Variants in KLHL25 observed in about 807,000 individuals in gnomAD.
KLHL25 encodes kelch like family member 25.
A neutral mutation model predicts 30.0 loss-of-function variants in KLHL25; 41 were observed. The ratio of observed to expected loss-of-function variants is 1.37; its 90% CI spans 1.07 to 1.78. The LOEUF is 1.78. Among genes scored for constraint, KLHL25 ranks in the 40% most tolerant of loss-of-function variants. The probability of loss-of-function intolerance (pLI) is 0.00; values close to 1 mark genes in which losing one functional copy is unlikely to be tolerated. For synonymous variants in KLHL25, 399 were observed against 355.3 expected, an observed-to-expected ratio of 1.12 and a Z score of -1.38; for missense variants, 971 against 824.5, an observed-to-expected ratio of 1.18 and a Z score of -2.18.
intron 1 of KLHL25, among the ~76,000 whole-genome samples, chr15:85,791,280 G>A (rs974870667): frequency 6.6e-6 from 1 of 151,014 alleles, no homozygotes; most frequent in South Asian, 2.1e-4. Flanking sequence ...TGGATCACCT[G>A]AGATCAGGAG....
chr15:85,790,989 C>G (rs931844188), intron 1 of KLHL25, among the ~76,000 whole-genome samples: 8 of 150,854 alleles, frequency 5.3e-5, no homozygotes, highest in Non-Finnish European at 1.0e-4. Flanking sequence ...ATCACGAGGT[C>G]AGGAGTTCAA....
At chr15:85,790,671 A>G (rs978256310) in intron 1 of KLHL25, among the ~76,000 whole-genome samples, 2 of 152,114 alleles carry the variant, frequency 1.3e-5, no homozygotes, top group Admixed American at 1.3e-4. Context: ...AACAGGTTCC[A>G]GGTCTGAGGG....
At chr15:85,767,970 C>A (rs904678455) in intron 2 of KLHL25, 47 bp downstream of exon 2, 6 of 1,289,348 alleles carry the variant, frequency 4.7e-6, no homozygotes, top group Non-Finnish European at 6.5e-6. Context: ...TGCATTCCCC[C>A]ATGACCTTTC....
chr15:85,771,710 A>C (rs951058582), intron 1 of KLHL25, among the ~76,000 whole-genome samples: 1 of 152,224 alleles, frequency 6.6e-6, no homozygotes, highest in East Asian at 1.9e-4. Flanking sequence ...CTCCGAGGCT[A>C]TATGAGGTTA....
At chr15:85,793,072 C>A (rs1053804143) in intron 1 of KLHL25, among the ~76,000 whole-genome samples, 6 of 151,844 alleles carry the variant, frequency 4.0e-5, no homozygotes, top group Non-Finnish European at 8.8e-5. Context: ...CCCCCGCCCC[C>A]GCCCAAGTGA....
In KLHL25 at chr15:85,765,762, G is replaced by A. The variant is rs541495342; in HGVS notation, c.*24+2255C>T. ...AACGAGAATTCCTTGAACCTGGGAG[G>A]TGGAGGTTGCAGTGAGCAGAGATCG... On this transcript the variant is annotated intron_variant, in intron 2 of 2. Transcript: ENST00000337975. Among the ~76,000 whole-genome samples, 16 of 151,652 alleles carry A rather than the reference G, an allele frequency of 1.1e-4. No homozygotes were observed. The South Asian group carries it at 2.9e-3, about 28-fold the overall frequency.
chr15:85,766,314 C>T (rs896860362), intron 2 of KLHL25, among the ~76,000 whole-genome samples: 12 of 152,166 alleles, frequency 7.9e-5, no homozygotes, highest in Admixed American at 4.6e-4. Flanking sequence ...ATCTTATGCC[C>T]CTATTGCAGG....
intron 1 of KLHL25, among the ~76,000 whole-genome samples, chr15:85,771,710 A>G (rs951058582): frequency 7.9e-5 from 12 of 152,224 alleles, no homozygotes; most frequent in South Asian, 2.1e-4. Context: ...CTCCGAGGCT[A>G]TATGAGGTTA....
chr15:85,784,916 T>C (rs1054050406), intron 1 of KLHL25, among the ~76,000 whole-genome samples: 1 of 152,176 alleles, frequency 6.6e-6, no homozygotes, highest in Non-Finnish European at 1.5e-5. Flanking sequence ...CCTGTGATGA[T>C]GTGTTATGCT....
At chr15:85,766,487 G>A (rs941105445) in intron 2 of KLHL25, among the ~76,000 whole-genome samples, 3 of 152,202 alleles carry the variant, frequency 2.0e-5, no homozygotes, top group Non-Finnish European at 2.9e-5. Flanking sequence ...ACCCTCTCTC[G>A]TGGCAGGACC....
chr15:85,769,210 C>T lies in KLHL25; in HGVS notation c.601G>A (p.Glu201Lys), dbSNP rs2089650111. The change falls in exon 2 of 3, where the codon GAG becomes AAG. Residue 201 changes from glutamate to lysine, a missense_variant. Transcript: ENST00000337975. ...ACCCGCTCGTCCTCGGTCTCCAGCT[C>T]ATCACTCGAGATGAGGTCCAGCAGT... Reference protein sequence around the residue: ...DTLLDLISSDELETEDERVVF... With the variant: ...DTLLDLISSDKLETEDERVVF... The T allele has an allele frequency of 6.2e-7, 1 of 1,613,758 alleles. No individual in the cohort carries two copies. Among genetic ancestry groups the T allele is most frequent in the Non-Finnish European group, 8.5e-7 (1 of 1,180,034 alleles).
chr15:85,769,838 C>T lies in KLHL25; in HGVS notation c.-10-18G>A. The T allele has an allele frequency of 1.3e-6, 2 of 1,585,460 alleles. No individual in the cohort carries two copies. The highest frequency in any genetic ancestry group is 8.6e-7 in the Non-Finnish European group (1 of 1,166,922). On this transcript the variant is annotated intron_variant, in intron 1 of 2. Transcript: ENST00000337975. ...TGCGTCAGCTTGTGGGGGAACAAGC[C>T]CACAGGTTAGAGGAGCCCCTCCTGC...
intron 2 of KLHL25, 77 bp downstream of exon 2, chr15:85,767,940 C>T (rs913257465): frequency 1.0e-6 from 1 of 956,424 alleles, no homozygotes; most frequent in Admixed American, 2.7e-5. Flanking sequence ...TGACCTTCAC[C>T]CAGTGGGAAG....
intron 1 of KLHL25, 65 bp from the exon 2 acceptor site, chr15:85,769,885 A>G: frequency 2.3e-6 from 3 of 1,308,826 alleles, no homozygotes; most frequent in Non-Finnish European, 3.1e-6. Flanking sequence ...CTCAGGGCTC[A>G]CTCTTCAGCA....
chr15:85,771,765 C>G (rs966258547), intron 1 of KLHL25, among the ~76,000 whole-genome samples: 5 of 152,240 alleles, frequency 3.3e-5, no homozygotes, highest in Non-Finnish European at 7.3e-5. Context: ...CAGATCCAGG[C>G]TGTATCCTGG....
chr15:85,780,729 C>T (rs150646427), intron 1 of KLHL25, among the ~76,000 whole-genome samples: 94 of 152,338 alleles, frequency 6.2e-4, no homozygotes, highest in African/African-American at 2.2e-3. Context: ...ATTCCCAAAG[C>T]CCAAGACACA....
intron 2 of KLHL25, among the ~76,000 whole-genome samples, chr15:85,764,661 A>C (rs1255615565): frequency 6.6e-6 from 1 of 152,208 alleles, no homozygotes; most frequent in Non-Finnish European, 1.5e-5. Flanking sequence ...GAGGAACAGC[A>C]GTCATGGGTG....
chr15:85,776,897 C>G (rs1597277592), intron 1 of KLHL25, among the ~76,000 whole-genome samples: 1 of 151,988 alleles, frequency 6.6e-6, no homozygotes, highest in Middle Eastern at 3.4e-3. Flanking sequence ...CGCACTCCAG[C>G]CTGGGGGACA....
At chr15:85,776,172 CA>C (rs60382493) in intron 1 of KLHL25, among the ~76,000 whole-genome samples, 42,939 of 127,172 alleles carry the variant, frequency 0.34, 6,586 homozygotes, top group African/African-American at 0.4. Flanking sequence ...GACTCTGTCT[CA>C]AAAAAAAAAA....
Sources: allele counts gnomAD v4.1 joint callset (sites outside exome capture counted in the v4.1 genomes callset), GRCh38; gene constraint gnomAD v4.1.1; transcripts MANE v1.5; gene names NCBI Gene and HGNC (gene_info 2026-07-23, HGNC 2026-07-21).